Variants in EEIG2 observed in about 807,000 individuals in gnomAD.
EEIG2 encodes the protein EEIG family member 2, also known as family with sequence similarity 102 member B.
the EEIG2 span, among the ~76,000 whole-genome samples, chr1:108,610,950 CA>C: frequency 2.7e-4 from 40 of 149,320 alleles, no homozygotes; most frequent in East Asian, 2.2e-3. Context: ...GACTCCATCT[CA>C]AAAAAAAAGA....
At chr1:108,636,232 A>C in the EEIG2 span, 5 of 152,234 alleles carry the variant, frequency 3.3e-5, no homozygotes, top group African/African-American at 1.2e-4. Flanking sequence ...TAAAATAAGA[A>C]TACCTGGTCT....
At chr1:108,566,423 C>A in the EEIG2 span, among the ~76,000 whole-genome samples, 1 of 151,984 alleles carries the variant, frequency 6.6e-6, no homozygotes, top group East Asian at 1.9e-4. Flanking sequence ...GATTAGTAAT[C>A]ACTAATAAGC....
chr1:108,579,424 A>G, the EEIG2 span, among the ~76,000 whole-genome samples: 2 of 147,694 alleles, frequency 1.4e-5, no homozygotes, highest in East Asian at 3.9e-4. Flanking sequence ...ATACAGGAGC[A>G]CCCAGATTCA....
At chr1:108,639,270 ATGTT>A in the EEIG2 span, 5 of 149,802 alleles carry the variant, frequency 3.3e-5, no homozygotes, top group Admixed American at 3.3e-4. Flanking sequence ...TATTTGTAAA[ATGTT>A]TGTAATAATG....
chr1:108,575,984 G>C, the EEIG2 span, among the ~76,000 whole-genome samples: 1 of 152,144 alleles, frequency 6.6e-6, no homozygotes, highest in Non-Finnish European at 1.5e-5. Context: ...TTATATCTCA[G>C]TAAAGCAGGC....
chr1:108,592,462 G>C, the EEIG2 span, among the ~76,000 whole-genome samples: 2 of 152,182 alleles, frequency 1.3e-5, no homozygotes, highest in African/African-American at 4.8e-5. Context: ...ATCCCAACCT[G>C]ATCTCTTGTC....
chr1:108,631,318 G>A, the EEIG2 span, among the ~76,000 whole-genome samples: 1 of 152,218 alleles, frequency 6.6e-6, no homozygotes, highest in Non-Finnish European at 1.5e-5. Flanking sequence ...AACCATGCCT[G>A]TTTATTTGTA....
the EEIG2 span, among the ~76,000 whole-genome samples, chr1:108,593,931 G>A: frequency 3.9e-5 from 6 of 152,042 alleles, no homozygotes; most frequent in Admixed American, 2.0e-4. Flanking sequence ...TCAGCTGCCC[G>A]AGAAGCTGGG....
At chr1:108,624,572 A>C in the EEIG2 span, 2 of 1,340,914 alleles carry the variant, frequency 1.5e-6, no homozygotes, top group African/African-American at 2.9e-5. Context: ...AGGCTTACTA[A>C]GCTCACCAAT....
At chr1:108,623,726 C>T in the EEIG2 span, among the ~76,000 whole-genome samples, 3 of 152,098 alleles carry the variant, frequency 2.0e-5, no homozygotes, top group African/African-American at 7.2e-5. Flanking sequence ...GGCTGGAGTG[C>T]AATGGTGCAA....
the EEIG2 span, chr1:108,628,708 C>G: frequency 6.2e-7 from 1 of 1,612,870 alleles, no homozygotes; most frequent in Non-Finnish European, 8.5e-7. Flanking sequence ...TGTAGAATCT[C>G]AGCTGAAGCG....
the EEIG2 span, chr1:108,627,178 C>T: frequency 6.6e-5 from 10 of 152,172 alleles, no homozygotes; most frequent in Non-Finnish European, 1.5e-5. Context: ...AAGAGCGCTG[C>T]ATAACTCGAT....
chr1:108,613,984 A>C, the EEIG2 span, among the ~76,000 whole-genome samples: 1 of 151,836 alleles, frequency 6.6e-6, no homozygotes. Flanking sequence ...CTTCACCCCC[A>C]AAAAATTTCA....
the EEIG2 span, among the ~76,000 whole-genome samples, chr1:108,632,377 A>C: frequency 1.3e-5 from 2 of 152,178 alleles, no homozygotes; most frequent in African/African-American, 4.8e-5. Context: ...CACTTGCCAT[A>C]ACAAAGTTTC....
the EEIG2 span, among the ~76,000 whole-genome samples, chr1:108,598,833 G>A: frequency 6.6e-6 from 1 of 151,970 alleles, no homozygotes; most frequent in African/African-American, 2.4e-5. Flanking sequence ...TGTACTGATG[G>A]AGAAATCAGA....
the EEIG2 span, among the ~76,000 whole-genome samples, chr1:108,579,482 T>A: frequency 4.1e-5 from 6 of 145,790 alleles, no homozygotes; most frequent in African/African-American, 1.5e-4. Context: ...CTCCCACACA[T>A]TAATAATGGG....
the EEIG2 span, among the ~76,000 whole-genome samples, chr1:108,595,550 G>GGAGGGAGA: frequency 1.5e-5 from 2 of 137,324 alleles, no homozygotes; most frequent in African/African-American, 2.7e-5. Context: ...TAGCTTTTAC[G>GGAGGGAGA]GAGGGAGAGA....
the EEIG2 span, among the ~76,000 whole-genome samples, chr1:108,571,553 C>A: frequency 6.6e-6 from 1 of 152,030 alleles, no homozygotes; most frequent in African/African-American, 2.4e-5. Context: ...AATAGGTGAC[C>A]AAGACTTTCA....
chr1:108,600,082 A>G, the EEIG2 span, among the ~76,000 whole-genome samples: 2 of 152,220 alleles, frequency 1.3e-5, no homozygotes, highest in African/African-American at 4.8e-5. Context: ...AATAAATGGT[A>G]GCTGTTCTTG....
Sources: allele counts gnomAD v4.1 joint callset (sites outside exome capture counted in the v4.1 genomes callset), GRCh38; gene constraint gnomAD v4.1.1; transcripts MANE v1.5; gene names NCBI Gene and HGNC (gene_info 2026-07-23, HGNC 2026-07-21).